The following LRP1B variants were observed in gnomAD, a reference collection of about 807,000 sequenced individuals.
LRP1B encodes LDL receptor related protein 1B.
LRP1B carries 217 observed loss-of-function variants against 556.6 expected under a neutral mutation model. That is an observed-to-expected ratio of 0.39 (90% confidence interval 0.35 to 0.44). LRP1B has a LOEUF of 0.44. LRP1B is among the 20% of genes least tolerant of loss of function. The pLI is 1.00. For missense variants in LRP1B, 5,053 were observed against 5,620.8 expected (o/e 0.90, Z 3.23); for synonymous variants, 2,047 against 1,865.8 (o/e 1.10, Z -2.50).
At chr2:141,820,960 T>TTA (rs1696731872) in intron 1 of LRP1B, among the ~76,000 whole-genome samples, 2 of 152,174 alleles carry the variant, frequency 1.3e-5, no homozygotes, top group African/African-American at 4.8e-5. Context: ...GGTGGGAGAT[T>TTA]ATCCTAGATT....
intron 2 of LRP1B, among the ~76,000 whole-genome samples, chr2:141,678,353 G>A (rs138758160): frequency 1.6e-3 from 243 of 152,104 alleles, no homozygotes; most frequent in African/African-American, 5.6e-3. Context: ...ACCAATATAC[G>A]ATACTGTCAG....
rs548612896 is a variant in LRP1B, at chr2:140,993,396, C to G, written c.2644+599G>C. Among the ~76,000 whole-genome samples the G allele has an allele frequency of 1.2e-4, 19 of 152,050 alleles. 2 individuals carry two copies. The highest frequency in any genetic ancestry group is 4.1e-4 in the African/African-American group (17 of 41,512). ...CACATATGTGAGAAATTTTATTTTG[C>G]CTACTAGCAACATGAAACTATTCCT... On this transcript the variant is annotated intron_variant, in intron 16 of 90. Coordinates refer to ENST00000389484, the MANE Select transcript of LRP1B (RefSeq NM_018557.3).
chr2:140,875,025 A>G (rs1693263018), intron 25 of LRP1B, among the ~76,000 whole-genome samples: 1 of 151,858 alleles, frequency 6.6e-6, no homozygotes, highest in Admixed American at 6.6e-5. Flanking sequence ...TCTCAATAAA[A>G]AAAAAAAAAA....
At position 140,328,471 on chromosome 2, in the gene LRP1B, TGAAAGAAAAAAA is replaced by T. The variant is rs955391032; in HGVS notation, c.12224-2605_12224-2594del. On this transcript the variant is annotated intron_variant, in intron 79 of 90. Coordinates refer to ENST00000389484, the MANE Select transcript of LRP1B (RefSeq NM_018557.3). ...ATTTCCATTGTAGGCTGGAAGAAAA[TGAAAGAAAAAAA>T]AAAAGAAAATGAAGAAAACAAAATA... Among the ~76,000 whole-genome samples the T allele has an allele frequency of 2.4e-4, 28 of 117,766 alleles. No individual in the cohort carries two copies. In the East Asian group the frequency reaches 5.0e-3, roughly 21 times the overall value. The allele number at this position is 117,766 out of a possible 152,430, so 77.3% of individuals were successfully genotyped here. A position where few individuals can be genotyped will look rare whatever the true frequency, so the allele number is the denominator to read the frequency against.
At chr2:141,758,849 CTTAG>C (rs1309828949) in intron 2 of LRP1B, among the ~76,000 whole-genome samples, 5 of 152,054 alleles carry the variant, frequency 3.3e-5, no homozygotes, top group South Asian at 2.1e-4. Context: ...CTAAATACTC[CTTAG>C]TTAATTAATT....
chr2:141,084,315 C>A (rs372560815), intron 7 of LRP1B, among the ~76,000 whole-genome samples: 2 of 152,090 alleles, frequency 1.3e-5, no homozygotes, highest in African/African-American at 4.8e-5. Flanking sequence ...AGAAGTTTCA[C>A]CCAGTGTGCG....
chr2:140,808,084 T>G (rs1690788380), intron 32 of LRP1B, among the ~76,000 whole-genome samples: 1 of 152,068 alleles, frequency 6.6e-6, no homozygotes, highest in Non-Finnish European at 1.5e-5. Context: ...AGAGTGAGAC[T>G]CCATCTCCAA....
chr2:140,356,877 C>T (rs372308855), intron 74 of LRP1B, among the ~76,000 whole-genome samples: 81 of 151,842 alleles, frequency 5.3e-4, no homozygotes, highest in African/African-American at 1.9e-3. Context: ...TTATTGCTAA[C>T]CTAAGCTTAA....
At chr2:142,086,632 C>CAAAA (rs1267273158) in intron 1 of LRP1B, among the ~76,000 whole-genome samples, 1 of 28,776 alleles carries the variant, frequency 3.5e-5, no homozygotes, top group African/African-American at 6.9e-5. Flanking sequence ...AACAAACAAA[C>CAAAA]AAACAAACAA....
chr2:141,298,764 G>T (rs1686281379), intron 3 of LRP1B, among the ~76,000 whole-genome samples: 1 of 152,006 alleles, frequency 6.6e-6, no homozygotes, highest in Non-Finnish European at 1.5e-5. Context: ...AGACCAGCCT[G>T]GCCAACATGG....
intron 2 of LRP1B, among the ~76,000 whole-genome samples, chr2:141,629,144 G>A (rs1318812020): frequency 6.6e-6 from 1 of 151,924 alleles, no homozygotes; most frequent in Non-Finnish European, 1.5e-5. Flanking sequence ...TATGCCTTTG[G>A]GTCTTTGGAA....
chr2:140,959,388 T>C (rs907583589), intron 18 of LRP1B, among the ~76,000 whole-genome samples: 1 of 151,636 alleles, frequency 6.6e-6, no homozygotes, highest in Non-Finnish European at 1.5e-5. Context: ...GTTTTTTTAA[T>C]ACATTTTAGC....
intron 18 of LRP1B, among the ~76,000 whole-genome samples, chr2:140,953,742 T>TA (rs1695789010): frequency 6.6e-6 from 1 of 152,298 alleles, no homozygotes; most frequent in South Asian, 2.1e-4. Flanking sequence ...TTTCTCTGCT[T>TA]AAAAAATGGA....
chr2:140,926,875 TC>T (rs1694902032), intron 20 of LRP1B, among the ~76,000 whole-genome samples: 1 of 152,142 alleles, frequency 6.6e-6, no homozygotes, highest in Admixed American at 6.6e-5. Flanking sequence ...TCTGAGTGTT[TC>T]TTTATCTCCC....
intron 6 of LRP1B, among the ~76,000 whole-genome samples, chr2:141,201,617 G>A (rs1682025289): frequency 1.3e-5 from 2 of 151,968 alleles, no homozygotes; most frequent in Non-Finnish European, 2.9e-5. Context: ...TATTACATAT[G>A]TTTTTATACA....
At chr2:141,600,969 T>C (rs1687712610) in intron 2 of LRP1B, among the ~76,000 whole-genome samples, 1 of 152,160 alleles carries the variant, frequency 6.6e-6, no homozygotes, top group Admixed American at 6.6e-5. Context: ...ATCTGTTTTG[T>C]AAGTAACCCA....
chr2:141,966,750 C>T (rs768280101), intron 1 of LRP1B, among the ~76,000 whole-genome samples: 24 of 151,780 alleles, frequency 1.6e-4, no homozygotes, highest in Admixed American at 3.9e-4. Flanking sequence ...CTCTACTATA[C>T]TTCTGTCATA....
At chr2:140,442,974 T>C (rs1016515780) in intron 65 of LRP1B, among the ~76,000 whole-genome samples, 1 of 152,210 alleles carries the variant, frequency 6.6e-6, no homozygotes, top group Non-Finnish European at 1.5e-5. Flanking sequence ...AGGTATACAT[T>C]TTTGTAAACT....
intron 79 of LRP1B, among the ~76,000 whole-genome samples, chr2:140,327,354 C>CAAGTAATGTATAGAGATGTATCAT (rs1680541925): frequency 1.3e-5 from 2 of 152,128 alleles, no homozygotes; most frequent in South Asian, 4.1e-4. Flanking sequence ...TTTTGTTCCT[C>CAAGTAATGTATAGAGATGTATCAT]AAGTAATGTA....
Sources: allele counts gnomAD v4.1 joint callset (sites outside exome capture counted in the v4.1 genomes callset), GRCh38; gene constraint gnomAD v4.1.1; transcripts MANE v1.5; gene names NCBI Gene and HGNC (gene_info 2026-07-23, HGNC 2026-07-21).